The following RNLS variants were observed in gnomAD, a reference collection of about 807,000 sequenced individuals.
RNLS encodes the protein renalase, FAD dependent amine oxidase, also known as renalase.
A neutral mutation model predicts 39.8 loss-of-function variants in RNLS; 39 were observed. That is an observed-to-expected ratio of 0.98 (90% CI 0.76 to 1.28). The LOEUF is 1.28. RNLS is among the 50% of genes most tolerant of loss of function. RNLS has a pLI of 0.00. For synonymous variants in RNLS, 147 were observed against 150.7 expected, an observed-to-expected ratio of 0.98 and a Z score of 0.18; for missense variants, 410 against 413.3, an observed-to-expected ratio of 0.99 and a Z score of 0.07.
intron 4 of RNLS, among the ~76,000 whole-genome samples, chr10:88,429,746 T>G (rs1177171931): frequency 6.6e-6 from 1 of 151,952 alleles, no homozygotes; most frequent in Non-Finnish European, 1.5e-5. Context: ...CTATAATTTT[T>G]TTCATGCATA....
chr10:88,433,551 A>G (rs1461323403), intron 4 of RNLS, among the ~76,000 whole-genome samples: 1 of 152,252 alleles, frequency 6.6e-6, no homozygotes, highest in Middle Eastern at 3.4e-3. Context: ...CAATTTTACT[A>G]AAAATTATCT....
At chr10:88,425,936 T>C (rs992968677) in intron 4 of RNLS, among the ~76,000 whole-genome samples, 3 of 151,820 alleles carry the variant, frequency 2.0e-5, no homozygotes. Flanking sequence ...AATGATAAAA[T>C]TAGGGAGGGA....
chr10:88,445,575 C>T (rs976900819), intron 4 of RNLS, among the ~76,000 whole-genome samples: 1 of 152,132 alleles, frequency 6.6e-6, no homozygotes, highest in African/African-American at 2.4e-5. Context: ...ACCCATCTCA[C>T]ATGTAGCGAC....
chr10:88,443,263 C>T (rs746846158), intron 4 of RNLS, among the ~76,000 whole-genome samples: 12 of 152,216 alleles, frequency 7.9e-5, no homozygotes, highest in Admixed American at 3.9e-4. Context: ...TCTAAAACTG[C>T]GTATTTTATA....
At chr10:88,393,401 GACAA>G (rs1209199806) in intron 4 of RNLS, among the ~76,000 whole-genome samples, 9 of 151,916 alleles carry the variant, frequency 5.9e-5, no homozygotes, top group African/African-American at 2.4e-5. Flanking sequence ...ACCAATAACA[GACAA>G]ACAGAGAGCC....
the RNLS span, among the ~76,000 whole-genome samples, chr10:88,221,260 T>C: frequency 7.5e-3 from 1,145 of 152,320 alleles, 8 homozygotes; most frequent in Non-Finnish European, 9.8e-3. Context: ...GAGCCATCAT[T>C]CCTTCAAATG....
At chr10:88,265,255 A>C in the RNLS span, among the ~76,000 whole-genome samples, 1 of 150,782 alleles carries the variant, frequency 6.6e-6, no homozygotes, top group Non-Finnish European at 1.5e-5. Context: ...TATAGTTTGA[A>C]GTCAGGCAAT....
chr10:88,561,402 T>A (rs962197856), intron 4 of RNLS, among the ~76,000 whole-genome samples: 1 of 152,084 alleles, frequency 6.6e-6, no homozygotes, highest in East Asian at 1.9e-4. Flanking sequence ...CTCAAGTATA[T>A]ATGGAATTTA....
intron 4 of RNLS, among the ~76,000 whole-genome samples, chr10:88,505,205 A>T (rs887385670): frequency 6.6e-6 from 1 of 151,998 alleles, no homozygotes; most frequent in Non-Finnish European, 1.5e-5. Context: ...TTTTGCCAGA[A>T]AGCCAGGAAG....
At chr10:88,436,031 C>T (rs1317706347) in intron 4 of RNLS, among the ~76,000 whole-genome samples, 2 of 151,868 alleles carry the variant, frequency 1.3e-5, no homozygotes, top group Non-Finnish European at 2.9e-5. Context: ...GGGAAGGAGC[C>T]AGGGAAGTGG....
chr10:88,378,230 A>C (rs1041103637), intron 4 of RNLS, among the ~76,000 whole-genome samples: 2 of 152,204 alleles, frequency 1.3e-5, no homozygotes, highest in Non-Finnish European at 2.9e-5. Context: ...AAGTCTAAGA[A>C]GTACACTCTA....
intron 5 of RNLS, among the ~76,000 whole-genome samples, chr10:88,332,325 G>A (rs916946052): frequency 2.6e-5 from 4 of 152,246 alleles, no homozygotes; most frequent in Non-Finnish European, 5.9e-5. Flanking sequence ...GAAGAGTAAA[G>A]TTCTGGAAGT....
At chr10:88,205,864 G>C in the RNLS span, among the ~76,000 whole-genome samples, 1 of 152,138 alleles carries the variant, frequency 6.6e-6, no homozygotes, top group South Asian at 2.1e-4. Flanking sequence ...CTCTTTTAAA[G>C]GCAAATAGAA....
intron 4 of RNLS, among the ~76,000 whole-genome samples, chr10:88,367,390 T>C (rs940976733): frequency 6.6e-6 from 1 of 152,176 alleles, no homozygotes; most frequent in Non-Finnish European, 1.5e-5. Flanking sequence ...TGTTGTTAGA[T>C]GTAGTTGTAG....
intron 5 of RNLS, among the ~76,000 whole-genome samples, chr10:88,333,712 A>G (rs1185357458): frequency 6.6e-6 from 1 of 152,164 alleles, no homozygotes; most frequent in African/African-American, 2.4e-5. Context: ...TGTCTCCCCA[A>G]AACTCGTATG....
chr10:88,179,202 G>A, the RNLS span, among the ~76,000 whole-genome samples: 1 of 152,190 alleles, frequency 6.6e-6, no homozygotes, highest in African/African-American at 2.4e-5. Flanking sequence ...GAGGGTGGTG[G>A]TGTAATTTTA....
At chr10:88,562,742 TA>T (rs1770561937) in intron 4 of RNLS, among the ~76,000 whole-genome samples, 1 of 151,986 alleles carries the variant, frequency 6.6e-6, no homozygotes, top group Non-Finnish European at 1.5e-5. Flanking sequence ...CCAATAAATG[TA>T]AAAGGGTTGA....
At chr10:88,349,459 G>C (rs1166940797) in intron 5 of RNLS, among the ~76,000 whole-genome samples, 2 of 152,020 alleles carry the variant, frequency 1.3e-5, no homozygotes, top group African/African-American at 2.4e-5. Flanking sequence ...TCTAATAAAA[G>C]TCCCCTCCCC....
the RNLS span, among the ~76,000 whole-genome samples, chr10:88,207,615 C>T: frequency 6.6e-6 from 1 of 152,122 alleles, no homozygotes; most frequent in Non-Finnish European, 1.5e-5. Context: ...GTTGATAAAG[C>T]TTATGTAATT....
Sources: gnomAD v4.1 joint callset for allele counts (sites outside exome capture counted in the v4.1 genomes callset) on GRCh38, gnomAD v4.1.1 for gene constraint, MANE v1.5 for transcripts, NCBI Gene and HGNC (gene_info 2026-07-23, HGNC 2026-07-21) for gene names.